ATXN1: variants seen among roughly 807,000 people sequenced by gnomAD.
ATXN1 encodes ataxin 1, also known as ataxin-1.
Under a neutral mutation model 56.4 loss-of-function variants are expected in ATXN1, and 8 were observed. The ratio of observed to expected loss-of-function variants is 0.14; its 90% confidence interval spans 0.08 to 0.26. ATXN1 has a LOEUF of 0.26. Among genes scored for constraint, ATXN1 ranks in the 10% least tolerant of loss-of-function variants. The pLI, the probability that ATXN1 is intolerant of heterozygous loss-of-function variation, is 1.00. For missense variants in ATXN1, 987 were observed against 1,106.5 expected (o/e 0.89, Z 1.53); for synonymous variants, 514 against 494.6 (o/e 1.04, Z -0.52).
At chr6:16,330,168 G>A (rs1760947155) in intron 6 of ATXN1, among the ~76,000 whole-genome samples, 1 of 151,656 alleles carries the variant, frequency 6.6e-6, no homozygotes, top group African/African-American at 2.4e-5. Flanking sequence ...CTCCTTCCTT[G>A]GCCTCCCAAA....
At chr6:16,549,595 A>G (rs1028102200) in intron 4 of ATXN1, among the ~76,000 whole-genome samples, 3 of 152,118 alleles carry the variant, frequency 2.0e-5, no homozygotes, top group African/African-American at 7.2e-5. Context: ...CTTAAAGGGC[A>G]CATTCAAGAA....
At chr6:16,628,926 T>A (rs965660747) in intron 3 of ATXN1, among the ~76,000 whole-genome samples, 1 of 152,224 alleles carries the variant, frequency 6.6e-6, no homozygotes, top group African/African-American at 2.4e-5. Context: ...GCAATGAACA[T>A]TTGCGTGCAT....
intron 6 of ATXN1, among the ~76,000 whole-genome samples, chr6:16,373,556 G>C: frequency 6.6e-6 from 1 of 152,176 alleles, no homozygotes; most frequent in East Asian, 1.9e-4. Context: ...ATCCTGAATC[G>C]TAGCTCCCAC....
chr6:16,307,043 T>G (rs1048107201), intron 7 of ATXN1, among the ~76,000 whole-genome samples, 184 bp from the exon 8 acceptor site: 2 of 152,200 alleles, frequency 1.3e-5, no homozygotes, highest in Non-Finnish European at 1.5e-5. Context: ...TAAATGAGGC[T>G]CTTCTCTTTG....
At chr6:16,352,082 T>G (rs1402601227) in intron 6 of ATXN1, among the ~76,000 whole-genome samples, 1 of 152,212 alleles carries the variant, frequency 6.6e-6, no homozygotes, top group Non-Finnish European at 1.5e-5. Flanking sequence ...TATTTTTTCA[T>G]CAGGACACGT....
At chr6:16,349,547 ATTCT>A (rs1470215394) in intron 6 of ATXN1, among the ~76,000 whole-genome samples, 1 of 152,134 alleles carries the variant, frequency 6.6e-6, no homozygotes, top group Non-Finnish European at 1.5e-5. Flanking sequence ...CCTCCCTAGA[ATTCT>A]TTCTCAGGTT....
chr6:16,737,843 T>G (rs1760190701), intron 2 of ATXN1: 1 of 151,948 alleles, frequency 6.6e-6, no homozygotes, highest in African/African-American at 2.4e-5. Flanking sequence ...TTAAGTGCTG[T>G]GCATTTACAA....
intron 6 of ATXN1, among the ~76,000 whole-genome samples, chr6:16,394,197 C>T (rs1352872207): frequency 6.6e-6 from 1 of 151,940 alleles, no homozygotes; most frequent in Non-Finnish European, 1.5e-5. Context: ...TTTAGGCAAC[C>T]CTCACCTCAA....
chr6:16,618,721 C>CAAA (rs35139131), intron 3 of ATXN1, among the ~76,000 whole-genome samples: 1 of 55,806 alleles, frequency 1.8e-5, no homozygotes, highest in Non-Finnish European at 4.1e-5. Context: ...GACTCCGTCT[C>CAAA]AAAAAAAAAA....
intron 6 of ATXN1, among the ~76,000 whole-genome samples, chr6:16,415,510 G>A (rs1358691101): frequency 1.3e-4 from 20 of 152,212 alleles, no homozygotes; most frequent in South Asian, 4.1e-4. Flanking sequence ...GATTACAGGC[G>A]TGAGCCACCG....
chr6:16,401,059 TGTCCAGTG>T (rs1758559585), intron 6 of ATXN1, among the ~76,000 whole-genome samples: 1 of 152,254 alleles, frequency 6.6e-6, no homozygotes, highest in South Asian at 2.1e-4. Flanking sequence ...TATTTTAAAG[TGTCCAGTG>T]TCCTTACATT....
intron 5 of ATXN1, among the ~76,000 whole-genome samples, chr6:16,489,811 C>G (rs1760624758): frequency 6.6e-6 from 1 of 151,964 alleles, no homozygotes. Flanking sequence ...GAACAAGACT[C>G]CGACTCAAAA....
At chr6:16,369,896 T>G (rs1254358958) in intron 6 of ATXN1, among the ~76,000 whole-genome samples, 1 of 152,230 alleles carries the variant, frequency 6.6e-6, no homozygotes, top group Non-Finnish European at 1.5e-5. Flanking sequence ...CTATTAGTTA[T>G]GAAAAGCAAT....
chr6:16,459,415 C>T (rs1759946150), intron 6 of ATXN1, among the ~76,000 whole-genome samples: 1 of 152,138 alleles, frequency 6.6e-6, no homozygotes, highest in African/African-American at 2.4e-5. Context: ...AAGTTCGAGG[C>T]TTAGTAAGAA....
Position 16,327,708 on chromosome 6 carries a change from C to A in ATXN1, c.603G>T (p.Gln201His), listed in dbSNP as rs372349437. The A allele has an allele frequency of 8.0e-5, 129 of 1,603,574 alleles. 3 individuals are homozygous for A. The African/African-American group carries it at 1.1e-3, about 14-fold the overall frequency. Reference sequence around the variant, plus strand: ...GATGCTGCTGCTGCTGCTGCTGCTGCTGCTGCTGCTGCTGCTCAGCCTTGT... The same window carrying A: ...GATGCTGCTGCTGCTGCTGCTGCTGATGCTGCTGCTGCTGCTCAGCCTTGT... ...PGHKAEQQQQ[Q>H]QQQQQQQHQH... The change falls in exon 7 of 8, where the codon CAG (glutamine) becomes CAT (histidine). Residue 201 changes from glutamine (Q) to histidine (H), a missense_variant. Gln to His is a conservative substitution (Grantham distance 24). Coordinates refer to ENST00000436367, the MANE Select transcript of ATXN1 (RefSeq NM_001128164.2).
At chr6:16,674,077 C>T (rs1047897534) in intron 2 of ATXN1, among the ~76,000 whole-genome samples, 3 of 150,976 alleles carry the variant, frequency 2.0e-5, no homozygotes, top group Admixed American at 6.6e-5. Context: ...TCTTACATTG[C>T]TGCTGGTCTC....
intron 3 of ATXN1, among the ~76,000 whole-genome samples, chr6:16,598,555 G>GT (rs1469230550): frequency 1.3e-5 from 2 of 152,156 alleles, no homozygotes; most frequent in Non-Finnish European, 2.9e-5. Flanking sequence ...GTCTCAGAAG[G>GT]TTGTTACGTA....
intron 3 of ATXN1, among the ~76,000 whole-genome samples, chr6:16,587,660 C>T (rs899747743): frequency 2.6e-5 from 4 of 152,138 alleles, no homozygotes; most frequent in African/African-American, 4.8e-5. Context: ...CAGCTGGACA[C>T]AGTGGCTCAT....
rs572560307 is a variant in ATXN1 at position 16,413,416 on chromosome 6, TTATAG to T, written c.-161+72551_-161+72555del. On this transcript the variant is annotated intron_variant, in intron 6 of 7. Transcript: ENST00000436367. ...TGCGGCTCGGGACCCATTCTTTTTG[TTATAG>T]GCTTGTGCTATAAACATCCATCTTA... 2.0e-5 allele frequency among the ~76,000 whole-genome samples: 3 copies of T among 152,280 alleles called. No individual in the cohort carries two copies. In the South Asian group the frequency reaches 6.2e-4, roughly 32 times the overall value.
Sources: allele counts gnomAD v4.1 joint callset (sites outside exome capture counted in the v4.1 genomes callset), GRCh38; gene constraint gnomAD v4.1.1; transcripts MANE v1.5; gene names NCBI Gene and HGNC (gene_info 2026-07-23, HGNC 2026-07-21).